The following DUXB variants were observed in gnomAD, a reference collection of about 807,000 sequenced individuals.
DUXB encodes double homeobox B.
DUXB carries 22 observed loss-of-function variants against 8.9 expected under a neutral mutation model. The observed-to-expected ratio is 2.46, with a 90% CI of 1.76 to 3.52. The LOEUF (loss-of-function observed/expected upper bound fraction) is 3.52. Ranked by LOEUF, DUXB falls within the 30% of genes most tolerant of loss-of-function variation. DUXB has a pLI of 0.00. For missense variants in DUXB, 237 were observed against 108.7 expected (o/e 2.18, Z -5.25); for synonymous variants, 84 against 37.6 (o/e 2.23, Z -4.52).
At position 75,694,388 on chromosome 16, in the gene DUXB, G is replaced by C; in HGVS notation, c.579C>G (p.Asp193Glu). Residue 193 changes from aspartate to glutamate, a missense_variant, in exon 5 of 5, where the codon GAC becomes GAG. Transcript: ENST00000633875. Reference protein sequence around the residue: ...WHPINLFLPTDSSHYFSCSHS... With the variant: ...WHPINLFLPTESSHYFSCSHS... ...GTGAGCAAGAAAAATAATGAGAGCT[G>C]TCTGTGGGGAGGAACAGGTTGATTG... is the stretch of plus-strand genomic sequence containing the variant. 1.5e-6 allele frequency: 1 copy of C among 688,688 alleles called. No homozygotes were observed. Among genetic ancestry groups the C allele is most frequent in the Non-Finnish European group, 2.6e-6 (1 of 380,522 alleles). 42.7% of individuals were successfully genotyped at this position (688,688 alleles called of 1,614,324 possible).
Position 75,694,377 on chromosome 16 carries a change from T to C in DUXB, c.590A>G (p.Tyr197Cys), listed in dbSNP as rs1033723897. Residue 197 changes from tyrosine to cysteine, a missense_variant, in exon 5 of 5, where the codon TAT (tyrosine) becomes TGT (cysteine). Physicochemically the swap from Tyr to Cys is radical, Grantham distance 194 (BLOSUM62 -2). Transcript: ENST00000633875. ...GCTGGAAGAATGTGAGCAAGAAAAATAATGAGAGCTGTCTGTGGGGAGGAA... is the reference window on the plus strand; with the variant it reads ...GCTGGAAGAATGTGAGCAAGAAAAACAATGAGAGCTGTCTGTGGGGAGGAA... The part of the protein sequence containing the change: ...NLFLPTDSSH[Y>C]FSCSHSSSGH... The C allele has an allele frequency of 3.0e-6, 2 of 671,824 alleles. No individual in the cohort carries two copies. The highest frequency in any genetic ancestry group is 4.8e-5 in the Admixed American group (2 of 41,808). 41.6% of individuals were successfully genotyped at this position (671,824 alleles called of 1,614,324 possible).
intron 2 of DUXB, 41 bp downstream of exon 2, chr16:75,699,974 C>T (rs1959201467): frequency 3.1e-6 from 2 of 653,496 alleles, no homozygotes; most frequent in South Asian, 1.7e-5. Flanking sequence ...TTCTCTTTAC[C>T]ATGGTTCTGA....
intron 2 of DUXB, among the ~76,000 whole-genome samples, chr16:75,697,242 C>G (rs549582510): frequency 3.3e-5 from 5 of 152,316 alleles, no homozygotes; most frequent in African/African-American, 4.8e-5. Context: ...CTCTCTGTCT[C>G]TCTCTTTCCC....
chr16:75,695,806 A>C, intron 4 of DUXB, 155 bp downstream of exon 4: 1 of 594,820 alleles, frequency 1.7e-6, no homozygotes, highest in Non-Finnish European at 3.0e-6. Context: ...TTCTTCCTTG[A>C]CAAAAACGGG....
rs1362500864 is a variant in DUXB, at chr16:75,694,463, T to C, written c.504A>G (p.Leu168=). 1.4e-6 allele frequency: 1 copy of C among 703,084 alleles called. No homozygotes were observed. Among genetic ancestry groups the C allele is most frequent in the East Asian group, 2.7e-5 (1 of 37,288 alleles). The allele number at this position is 703,084 out of a possible 1,614,324, so 43.6% of individuals were successfully genotyped here. A position where few individuals can be genotyped will look rare whatever the true frequency, so the allele number is the denominator to read the frequency against. The change falls in exon 5 of 5, where the codon TTA becomes TTG. Residue 168 remains leucine, a synonymous_variant. Transcript: ENST00000633875. The part of the protein sequence containing the change: ...LKKSRMEPMN[L]LVDDPNERPD... ...GTCTCTCATTTGGGTCGTCTACCAA[T>C]AAATTCATGGGCTCCATTCTGCTCT... is the stretch of plus-strand genomic sequence containing the variant.
chr16:75,698,055 A>G (rs942521707), intron 2 of DUXB, among the ~76,000 whole-genome samples: 1 of 152,240 alleles, frequency 6.6e-6, no homozygotes, highest in Non-Finnish European at 1.5e-5. Context: ...CTAAAAGGTT[A>G]TATCTCTTCT....
chr16:75,695,825 T>C, intron 4 of DUXB, 136 bp downstream of exon 4: 1 of 602,410 alleles, frequency 1.7e-6, no homozygotes, highest in Admixed American at 2.9e-5. Context: ...GGACTTTCAG[T>C]GCCAGGCGTT....
chr16:75,695,162 T>C (rs1018483910), intron 4 of DUXB, among the ~76,000 whole-genome samples: 1 of 152,236 alleles, frequency 6.6e-6, no homozygotes, highest in African/African-American at 2.4e-5. Flanking sequence ...AACACACAAA[T>C]ACATACATTG....
rs532240793 is a variant in DUXB, at chr16:75,697,165, A to G, written c.181-222T>C. Among the ~76,000 whole-genome samples the G allele has an allele frequency of 5.3e-5, 8 of 152,250 alleles. No homozygotes were observed. The East Asian group carries it at 1.5e-3, about 29-fold the overall frequency. Reference sequence around the variant, plus strand: ...TCAAAGGAGCTTTTCTTTCATGGTCATTTTTTGTGGCATCCAGAGTAAATT... The same window carrying G: ...TCAAAGGAGCTTTTCTTTCATGGTCGTTTTTTGTGGCATCCAGAGTAAATT... On this transcript the variant is annotated intron_variant, in intron 2 of 4. Coordinates refer to ENST00000633875, the MANE Select transcript of DUXB (RefSeq NM_001351307.2).
At position 75,694,225 on chromosome 16, in the gene DUXB, T is replaced by G. The variant is rs1421146084; in HGVS notation, c.742A>C (p.Lys248Gln). The change falls in exon 5 of 5, where the codon AAG (lysine) becomes CAG (glutamine). Residue 248 changes from lysine to glutamine, a missense_variant. Physicochemically the swap from Lys to Gln is moderately conservative, Grantham distance 53. Transcript: ENST00000633875. ...GGAATTATCAGAGGCTGATCAGACTTCTCTCCTTCCTGCACAGCCTGTGTG... is the reference window on the plus strand; with the variant it reads ...GGAATTATCAGAGGCTGATCAGACTGCTCTCCTTCCTGCACAGCCTGTGTG... ...QPTQAVQEGEKSDQPLIIPNH... is the reference protein window; with the variant it reads ...QPTQAVQEGEQSDQPLIIPNH... The G allele has an allele frequency of 1.1e-5, 6 of 530,622 alleles. No individual in the cohort carries two copies. The highest frequency in any genetic ancestry group is 1.9e-5 in the African/African-American group (1 of 51,548). The allele number at this position is 530,622 out of a possible 1,614,324, so 32.9% of individuals were successfully genotyped here.
Position 75,696,868 on chromosome 16 carries a change from C to T in DUXB, c.256G>A (p.Gly86Arg), listed in dbSNP as rs1371399904. The T allele has an allele frequency of 1.4e-6, 1 of 702,784 alleles. No individual in the cohort carries two copies. The highest frequency in any genetic ancestry group is 2.0e-5 in the Admixed American group (1 of 49,986). The allele number at this position is 702,784 out of a possible 1,614,324, so 43.5% of individuals were successfully genotyped here. Residue 86 changes from glycine to arginine, a missense_variant, in exon 3 of 5, where the codon GGG becomes AGG. Coordinates refer to ENST00000633875, the MANE Select transcript of DUXB (RefSeq NM_001351307.2). ...KCFSEKDQTQ[G>R]HDQSQHLTQE... ...GTCAGATGCTGGGACTGGTCATGCC[C>T]CTGGGTTTGATCTTTTTCTGAGAAG...
Position 75,696,024 on chromosome 16 carries a change from G to A in DUXB, c.378C>T (p.Phe126=). 5.7e-6 allele frequency: 4 copies of A among 703,018 alleles called. No homozygotes were observed. The highest frequency in any genetic ancestry group is 1.0e-5 in the Non-Finnish European group (4 of 385,020). 43.5% of individuals were successfully genotyped at this position (703,018 alleles called of 1,614,324 possible). A position where few individuals can be genotyped will look rare whatever the true frequency, so the allele number is the denominator to read the frequency against. ...RLVQAFERNP[F]PDIATRKKLA... ...GTTTTTTTCTGGTAGCAATATCAGGGAATGGGTTCCTCTCAAAGGCTTGCA... is the reference window on the plus strand; with the variant it reads ...GTTTTTTTCTGGTAGCAATATCAGGAAATGGGTTCCTCTCAAAGGCTTGCA... The change falls in exon 4 of 5, where the codon TTC becomes TTT. Residue 126 remains phenylalanine (F), a synonymous_variant. Coordinates refer to ENST00000633875, the MANE Select transcript of DUXB (RefSeq NM_001351307.2).
chr16:75,696,023 G>T lies in DUXB; in HGVS notation c.379C>A (p.Pro127Thr), dbSNP rs1233195299. The T allele has an allele frequency of 1.4e-6, 1 of 702,902 alleles. No individual in the cohort carries two copies. Among genetic ancestry groups the T allele is most frequent in the African/African-American group, 1.7e-5 (1 of 57,244 alleles). The allele number at this position is 702,902 out of a possible 1,614,324, so 43.5% of individuals were successfully genotyped here. Residue 127 changes from proline to threonine, a missense_variant, in exon 4 of 5, where the codon CCT (proline) becomes ACT (threonine). Transcript: ENST00000633875. ...LVQAFERNPF[P>T]DIATRKKLAE... ...AGTTTTTTTCTGGTAGCAATATCAGGGAATGGGTTCCTCTCAAAGGCTTGC... is the reference window on the plus strand; with the variant it reads ...AGTTTTTTTCTGGTAGCAATATCAGTGAATGGGTTCCTCTCAAAGGCTTGC...
chr16:75,696,810 C>G (rs1022943145), intron 3 of DUXB, 28 bp downstream of exon 3: 4 of 693,734 alleles, frequency 5.8e-6, no homozygotes, highest in African/African-American at 1.8e-5. Flanking sequence ...ACAACGTACT[C>G]TCAATGGGAC....
chr16:75,694,679 A>G (rs1244293952), intron 4 of DUXB, among the ~76,000 whole-genome samples, 154 bp from the exon 5 acceptor site: 4 of 152,238 alleles, frequency 2.6e-5, no homozygotes. Context: ...TTCCATCTGT[A>G]TACCCTGATT....
At chr16:75,695,052 AAAAG>A (rs571509009) in intron 4 of DUXB, among the ~76,000 whole-genome samples, 5 of 152,216 alleles carry the variant, frequency 3.3e-5, no homozygotes, top group Non-Finnish European at 7.3e-5. Context: ...GAGTTTGAGA[AAAAG>A]AAATCTTATA....
chr16:75,694,233 T>G lies in DUXB; in HGVS notation c.734A>C (p.Glu245Ala), dbSNP rs1328610773. The G allele has an allele frequency of 1.8e-6, 1 of 554,680 alleles. No homozygotes were observed. The allele number at this position is 554,680 out of a possible 1,614,324, so 34.4% of individuals were successfully genotyped here. ...MIMQPTQAVQ[E>A]GEKSDQPLII... ...CAGAGGCTGATCAGACTTCTCTCCT[T>G]CCTGCACAGCCTGTGTGGGCTGCAT... The change falls in exon 5 of 5, where the codon GAA (glutamate) becomes GCA (alanine). Residue 245 changes from glutamate to alanine, a missense_variant. Physicochemically the swap from Glu to Ala is moderately radical, Grantham distance 107. Coordinates refer to ENST00000633875, the MANE Select transcript of DUXB (RefSeq NM_001351307.2).
intron 1 of DUXB, 90 bp downstream of exon 1, chr16:75,701,304 T>A (rs1331567498): frequency 2.5e-6 from 1 of 398,308 alleles, no homozygotes; most frequent in African/African-American, 2.1e-5. Context: ...CCTCTAATCA[T>A]GTTTGTGCTA....
chr16:75,697,845 A>G (rs2082620956), intron 2 of DUXB, among the ~76,000 whole-genome samples: 1 of 152,116 alleles, frequency 6.6e-6, no homozygotes, highest in African/African-American at 2.4e-5. Flanking sequence ...TTGTCATAGG[A>G]GCACAAACCC....
Sources: allele counts gnomAD v4.1 joint callset (sites outside exome capture counted in the v4.1 genomes callset), GRCh38; gene constraint gnomAD v4.1.1; transcripts MANE v1.5; gene names NCBI Gene and HGNC (gene_info 2026-07-23, HGNC 2026-07-21).